Variants in EIPR1 observed in about 807,000 individuals in gnomAD.
EIPR1 encodes EARP and GARP complex-interacting protein 1.
In EIPR1, 25 loss-of-function variants were observed where a neutral mutation model predicts 48.1. The ratio of observed to expected loss-of-function variants is 0.52; its 90% CI spans 0.38 to 0.73. EIPR1 has a LOEUF of 0.73. Among genes scored for constraint, EIPR1 ranks in the 30% least tolerant of loss-of-function variants. The pLI, the probability that EIPR1 is intolerant of heterozygous loss-of-function variation, is 0.00. For synonymous variants in EIPR1, 204 were observed against 201.9 expected (o/e 1.01, Z -0.09); for missense variants, 415 against 506.2 (o/e 0.82, Z 1.73).
chr2:3,333,500 G>C (rs1353965277), intron 3 of EIPR1, among the ~76,000 whole-genome samples: 1 of 152,114 alleles, frequency 6.6e-6, no homozygotes, highest in Non-Finnish European at 1.5e-5. Context: ...TGCTTTGGGA[G>C]GGTGAAGCGG....
chr2:3,233,193 G>A (rs905312509), intron 4 of EIPR1, among the ~76,000 whole-genome samples: 2 of 151,618 alleles, frequency 1.3e-5, no homozygotes, highest in African/African-American at 2.4e-5. Flanking sequence ...GGCTATTAAT[G>A]TTATTCTGCA....
At chr2:3,280,701 C>CT (rs1390967456) in intron 3 of EIPR1, among the ~76,000 whole-genome samples, 1 of 152,162 alleles carries the variant, frequency 6.6e-6, no homozygotes, top group Non-Finnish European at 1.5e-5. Flanking sequence ...CATGAGAGGC[C>CT]ACTGGCATGG....
chr2:3,211,248 G>A (rs931214865), intron 5 of EIPR1, among the ~76,000 whole-genome samples: 41 of 151,530 alleles, frequency 2.7e-4, no homozygotes, highest in Admixed American at 1.8e-3. Flanking sequence ...CAGGTTCCAC[G>A]CATGAAGTTC....
intron 1 of EIPR1, among the ~76,000 whole-genome samples, chr2:3,375,480 A>C (rs1422793237): frequency 6.6e-6 from 1 of 152,154 alleles, no homozygotes; most frequent in East Asian, 1.9e-4. Context: ...TTTTTGAGAG[A>C]TTTCTTAAGG....
At position 3,244,223 on chromosome 2, in the gene EIPR1, A is replaced by C. The variant is rs574778771; in HGVS notation, c.416+13076T>G. ...GAATCATAACACATTTCTAGGTAAA[A>C]TGTGCTGTCTAAAACCTGAACAGCA... On this transcript the variant is annotated intron_variant, in intron 4 of 8. Coordinates refer to ENST00000382125, the MANE Select transcript of EIPR1 (RefSeq NM_003310.5). Among the ~76,000 whole-genome samples, 351 of 152,256 alleles carry C rather than the reference A, an allele frequency of 2.3e-3. 7 individuals are homozygous for C. The highest frequency in any genetic ancestry group is 5.0e-4 in the Non-Finnish European group (34 of 68,012).
intron 3 of EIPR1, among the ~76,000 whole-genome samples, chr2:3,321,256 C>T (rs188124443): frequency 6.1e-4 from 93 of 152,282 alleles, no homozygotes; most frequent in Admixed American, 2.5e-3. Flanking sequence ...CCCAGCTGAG[C>T]ACCTATACCC....
intron 5 of EIPR1, among the ~76,000 whole-genome samples, chr2:3,212,868 T>G (rs1186297967): frequency 6.6e-6 from 1 of 152,262 alleles, no homozygotes; most frequent in Non-Finnish European, 1.5e-5. Context: ...ACACCATTGA[T>G]GCTCTGGGTG....
chr2:3,254,322 A>G (rs1667090026), intron 4 of EIPR1, among the ~76,000 whole-genome samples: 1 of 151,144 alleles, frequency 6.6e-6, no homozygotes, highest in Admixed American at 6.6e-5. Flanking sequence ...TCCACACAAA[A>G]CTAACTGAGC....
intron 3 of EIPR1, among the ~76,000 whole-genome samples, chr2:3,267,220 G>A (rs1378862264): frequency 6.6e-6 from 1 of 152,202 alleles, no homozygotes; most frequent in East Asian, 1.9e-4. Flanking sequence ...CTGGCAGGAC[G>A]ACCACAGAGC....
chr2:3,244,387 T>C (rs1666731741), intron 4 of EIPR1, among the ~76,000 whole-genome samples: 1 of 152,224 alleles, frequency 6.6e-6, no homozygotes, highest in African/African-American at 2.4e-5. Flanking sequence ...ATTTTAAAAT[T>C]ATTTAAACTT....
At chr2:3,306,905 A>G (rs965866995) in intron 3 of EIPR1, among the ~76,000 whole-genome samples, 1 of 152,102 alleles carries the variant, frequency 6.6e-6, no homozygotes, top group Non-Finnish European at 1.5e-5. Context: ...TCCTTTTCCT[A>G]TATTTGCTAT....
At chr2:3,209,301 A>C (rs1200466544) in intron 5 of EIPR1, among the ~76,000 whole-genome samples, 1 of 152,196 alleles carries the variant, frequency 6.6e-6, no homozygotes, top group African/African-American at 2.4e-5. Flanking sequence ...AGAAGAGCCC[A>C]CTGAAAGCCA....
chr2:3,263,494 A>G (rs2103229609), intron 3 of EIPR1, among the ~76,000 whole-genome samples: 1 of 152,310 alleles, frequency 6.6e-6, no homozygotes, highest in African/African-American at 2.4e-5. Context: ...CGGCCCCACC[A>G]CTACAAATAG....
chr2:3,290,295 G>A (rs1006641922), intron 3 of EIPR1, among the ~76,000 whole-genome samples: 1 of 152,210 alleles, frequency 6.6e-6, no homozygotes, highest in African/African-American at 2.4e-5. Context: ...ATTATGACGT[G>A]TTATATGAAG....
At chr2:3,265,004 A>AT (rs1354207954) in intron 3 of EIPR1, among the ~76,000 whole-genome samples, 1 of 152,250 alleles carries the variant, frequency 6.6e-6, no homozygotes, top group African/African-American at 2.4e-5. Flanking sequence ...TTTTCTAAAA[A>AT]TTGGTAACTA....
intron 3 of EIPR1, 94 bp downstream of exon 3, chr2:3,337,923 G>A (rs1163615467): frequency 2.0e-5 from 27 of 1,363,152 alleles, no homozygotes; most frequent in Non-Finnish European, 2.6e-5. Context: ...AATCTTTTCA[G>A]TCATGTGTCG....
intron 4 of EIPR1, among the ~76,000 whole-genome samples, chr2:3,256,802 C>G (rs1260596384): frequency 6.6e-6 from 1 of 152,238 alleles, no homozygotes; most frequent in East Asian, 1.9e-4. Context: ...GCTCATGAAG[C>G]AGCGACTGGC....
chr2:3,294,541 C>T (rs568946636), intron 3 of EIPR1, among the ~76,000 whole-genome samples: 52 of 139,840 alleles, frequency 3.7e-4, no homozygotes, highest in African/African-American at 1.3e-3. Context: ...TCCATCCAGC[C>T]GATCCTCTCT....
chr2:3,219,427 C>T (rs1231723443), intron 4 of EIPR1, among the ~76,000 whole-genome samples: 10 of 150,944 alleles, frequency 6.6e-5, no homozygotes, highest in African/African-American at 2.4e-4. Context: ...CAGGTGCACA[C>T]TCAACACGGC....
Sources: allele counts gnomAD v4.1 joint callset (sites outside exome capture counted in the v4.1 genomes callset), GRCh38; gene constraint gnomAD v4.1.1; transcripts MANE v1.5; gene names NCBI Gene and HGNC (gene_info 2026-07-23, HGNC 2026-07-21).